STK3: variants seen among roughly 807,000 people sequenced by gnomAD.
STK3 encodes serine/threonine-protein kinase 3.
A neutral mutation model predicts 58.0 loss-of-function variants in STK3; 41 were observed. The observed-to-expected ratio is 0.71, with a 90% confidence interval of 0.55 to 0.92. The LOEUF (loss-of-function observed/expected upper bound fraction) is 0.92. Among genes scored for constraint, STK3 ranks in the 40% least tolerant of loss-of-function variants. The pLI is 0.00. For synonymous variants in STK3, 170 were observed against 191.0 expected (o/e 0.89, Z 0.91); for missense variants, 479 against 602.7 (o/e 0.79, Z 2.15).
chr8:98,909,699 T>C (rs537901593), intron 1 of STK3, among the ~76,000 whole-genome samples: 1 of 152,376 alleles, frequency 6.6e-6, no homozygotes, highest in Admixed American at 6.5e-5. Flanking sequence ...CATTTCTTTC[T>C]ACAGCCAAAT....
At chr8:98,573,031 C>A (rs2131693558) in intron 8 of STK3, among the ~76,000 whole-genome samples, 1 of 152,204 alleles carries the variant, frequency 6.6e-6, no homozygotes, top group African/African-American at 2.4e-5. Flanking sequence ...CCTAAAACGA[C>A]TTGGTATCAT....
rs1254831806 is a variant in STK3 at position 98,630,691 on chromosome 8, A to AAGAAGGAGG, written c.685-34531_685-34523dup. On this transcript the variant is annotated intron_variant, in intron 6 of 10. Coordinates refer to ENST00000419617, the MANE Select transcript of STK3 (RefSeq NM_006281.4). ...GAAGGAGGAGAAGGAGGAGAAGGAG[A>AAGAAGGAGG]AGAAGGAGGAGAAGGAGGAGAAGGA... is the stretch of plus-strand genomic sequence containing the variant. Among the ~76,000 whole-genome samples the AAGAAGGAGG allele has an allele frequency of 6.1e-3, 894 of 146,558 alleles. 4 individuals are homozygous for AAGAAGGAGG. Among genetic ancestry groups the AAGAAGGAGG allele is most frequent in the Middle Eastern group, 0.024 (7 of 290 alleles).
At chr8:98,478,781 G>A (rs1563644361) in intron 10 of STK3, among the ~76,000 whole-genome samples, 3 of 152,194 alleles carry the variant, frequency 2.0e-5, no homozygotes. Flanking sequence ...GGTGGCATAG[G>A]TGGCTCCCTA....
At chr8:98,819,878 T>C (rs1834776143) in intron 1 of STK3, among the ~76,000 whole-genome samples, 1 of 152,198 alleles carries the variant, frequency 6.6e-6, no homozygotes, top group African/African-American at 2.4e-5. Context: ...ATATTCCTAC[T>C]ATCTACTTAA....
chr8:98,912,993 C>T (rs1006124699), intron 1 of STK3, among the ~76,000 whole-genome samples: 1 of 152,134 alleles, frequency 6.6e-6, no homozygotes, highest in Non-Finnish European at 1.5e-5. Context: ...ATGCAGCCTC[C>T]ACCTCCTGGG....
chr8:98,409,593 C>T (rs768002320), intron 3 of STK3, among the ~76,000 whole-genome samples: 2 of 152,258 alleles, frequency 1.3e-5, no homozygotes, highest in Non-Finnish European at 2.9e-5. Context: ...CTCTCTGAAT[C>T]CCACTTTGGA....
At position 98,428,550 on chromosome 8, in the gene STK3, A is replaced by G; in HGVS notation, n.483+5577T>C. The G allele has an allele frequency of 6.2e-7, 1 of 1,614,186 alleles. No homozygotes were observed. Among genetic ancestry groups the G allele is most frequent in the South Asian group, 1.1e-5 (1 of 91,086 alleles). On this transcript the variant is annotated intron_variant and non_coding_transcript_variant, in intron 3 of 3. Coordinates refer to the STK3 transcript ENST00000517832. The surrounding 1 kb of genome is among the most constrained non-coding windows in gnomAD (Gnocchi z 6.7). The stretch of plus-strand genomic sequence containing the variant: ...CTCAGTGCTGAGCAGGGTCTTCAGC[A>G]TCCTGTCCATCCTGGTGGTGATGGG...
intron 1 of STK3, chr8:98,942,276 G>T (rs1254718608): frequency 6.6e-6 from 1 of 152,260 alleles, no homozygotes; most frequent in Non-Finnish European, 1.5e-5. Context: ...CCCCGCGTTC[G>T]GCGCGCACCT....
intron 10 of STK3, among the ~76,000 whole-genome samples, chr8:98,502,753 C>A (rs967889371): frequency 6.6e-6 from 1 of 152,160 alleles, no homozygotes; most frequent in Non-Finnish European, 1.5e-5. Flanking sequence ...AGGGATGAAG[C>A]TGACTTGATC....
the STK3 span, among the ~76,000 whole-genome samples, chr8:98,364,435 G>C: frequency 6.6e-6 from 1 of 152,098 alleles, no homozygotes; most frequent in African/African-American, 2.4e-5. Flanking sequence ...CTGGGTCTCG[G>C]GAGGCCTGCC....
At chr8:98,434,389 A>G (rs1818411579) in intron 2 of STK3, 1 of 152,202 alleles carries the variant, frequency 6.6e-6, no homozygotes, top group Admixed American at 6.5e-5. Flanking sequence ...TTAAAAGGAA[A>G]AACAAACACC....
At chr8:98,879,137 G>A (rs1837698980), downstream of STK3, 1 of 152,048 alleles carries the variant, frequency 6.6e-6, no homozygotes, top group South Asian at 2.1e-4. Context: ...ATATAAAATG[G>A]CATAGTATTT....
intron 10 of STK3, among the ~76,000 whole-genome samples, chr8:98,475,799 C>T (rs1821262556): frequency 6.6e-6 from 1 of 152,194 alleles, no homozygotes. Context: ...ATAACCTTTC[C>T]ATTCTTTTGC....
intron 1 of STK3, among the ~76,000 whole-genome samples, chr8:98,799,791 CCA>C (rs1472967960): frequency 6.6e-6 from 1 of 152,184 alleles, no homozygotes; most frequent in African/African-American, 2.4e-5. Flanking sequence ...TATCCTACTA[CCA>C]CACACTCTCA....
intron 1 of STK3, among the ~76,000 whole-genome samples, chr8:98,786,215 T>C (rs1267689970): frequency 6.6e-6 from 1 of 152,140 alleles, no homozygotes; most frequent in Non-Finnish European, 1.5e-5. Context: ...TTTCAAAATA[T>C]AACTGAAAGC....
chr8:98,371,372 G>A (rs1281131006), exon 3 of STK3: 1 of 152,164 alleles, frequency 6.6e-6, no homozygotes, highest in Non-Finnish European at 1.5e-5. Context: ...AAGTATTTAT[G>A]GTCCCATTTT....
chr8:98,724,704 T>C (rs745410168), intron 4 of STK3, among the ~76,000 whole-genome samples: 14 of 152,166 alleles, frequency 9.2e-5, no homozygotes, highest in Non-Finnish European at 1.5e-4. Context: ...TAGTAACAGG[T>C]CTATAACCTT....
intron 9 of STK3, 62 bp downstream of exon 9, chr8:98,547,907 G>T (rs1429709331): frequency 7.2e-7 from 1 of 1,387,894 alleles, no homozygotes; most frequent in Non-Finnish European, 9.4e-7. Flanking sequence ...AACTAGCCTG[G>T]TTCCTATAAA....
At chr8:98,867,814 G>T (rs956079065) in intron 3 of STK3, among the ~76,000 whole-genome samples, 5 of 152,208 alleles carry the variant, frequency 3.3e-5, no homozygotes, top group African/African-American at 1.2e-4. Flanking sequence ...AAGCTTAAAT[G>T]AAAGAATAAA....
Sources: gnomAD v4.1 joint callset for allele counts (sites outside exome capture counted in the v4.1 genomes callset) on GRCh38, gnomAD v4.1.1 for gene constraint, Gnocchi (gnomAD v3.1) non-coding constraint, MANE v1.5 for transcripts, NCBI Gene and HGNC (gene_info 2026-07-23, HGNC 2026-07-21) for gene names.